Variants in NLGN1 observed in about 807,000 individuals in gnomAD.
The protein encoded by NLGN1 is neuroligin 1.
In NLGN1, 12 loss-of-function variants were observed where a neutral mutation model predicts 65.5. The observed-to-expected ratio is 0.18, with a 90% confidence interval of 0.12 to 0.30. The LOEUF is 0.30. Ranked by LOEUF, NLGN1 falls within the 10% of genes least tolerant of loss-of-function variation. The pLI is 1.00. For synonymous variants in NLGN1, 350 were observed against 359.5 expected, an observed-to-expected ratio of 0.97 and a Z score of 0.30; for missense variants, 750 against 1,007.1, an observed-to-expected ratio of 0.74 and a Z score of 3.46.
chr3:173,663,331 T>A (rs915174103), intron 3 of NLGN1, among the ~76,000 whole-genome samples: 4 of 152,006 alleles, frequency 2.6e-5, no homozygotes, highest in African/African-American at 4.8e-5. Context: ...GCTGATTTGC[T>A]AAAAAAATTC....
intron 4 of NLGN1, among the ~76,000 whole-genome samples, chr3:174,259,939 G>GT (rs200050622): frequency 0.18 from 26,521 of 149,988 alleles, 2,470 homozygotes; most frequent in South Asian, 0.23. Context: ...ACGGTGTTTG[G>GT]TTTTTTGTTC....
chr3:173,804,466 AAT>A (rs1331981237), intron 3 of NLGN1, among the ~76,000 whole-genome samples: 1 of 152,122 alleles, frequency 6.6e-6, no homozygotes, highest in Non-Finnish European at 1.5e-5. Context: ...ATTATAAATT[AAT>A]AAGCTGCATT....
At chr3:173,542,034 T>G (rs111654638) in intron 2 of NLGN1, among the ~76,000 whole-genome samples, 10 of 152,192 alleles carry the variant, frequency 6.6e-5, no homozygotes, top group African/African-American at 2.4e-4. Context: ...TCTCTCATAC[T>G]TAAACTGTGA....
chr3:173,907,155 T>A (rs115661074), intron 4 of NLGN1, among the ~76,000 whole-genome samples: 1,950 of 152,136 alleles, frequency 0.013, 31 homozygotes, highest in Non-Finnish European at 0.019. Context: ...CAGGAAAGAG[T>A]CAAAACTCAG....
chr3:173,398,275 G>C (rs1295017749), upstream of NLGN1, among the ~76,000 whole-genome samples: 1 of 152,138 alleles, frequency 6.6e-6, no homozygotes, highest in East Asian at 1.9e-4. Flanking sequence ...GTTTGACAGG[G>C]ATAAGAAAGT....
intron 4 of NLGN1, among the ~76,000 whole-genome samples, chr3:174,125,745 T>C (rs1159820805): frequency 6.6e-6 from 1 of 152,070 alleles, no homozygotes; most frequent in Admixed American, 6.6e-5. Context: ...AGATAAAACT[T>C]GGCACTGAGT....
chr3:173,480,221 C>A (rs1727039665), intron 2 of NLGN1, among the ~76,000 whole-genome samples: 1 of 151,594 alleles, frequency 6.6e-6, no homozygotes, highest in African/African-American at 2.4e-5. Context: ...GTGCTAGCCA[C>A]AAACAAGGTA....
intron 2 of NLGN1, among the ~76,000 whole-genome samples, chr3:173,569,449 A>G (rs1431692848): frequency 6.6e-6 from 1 of 151,956 alleles, no homozygotes; most frequent in Non-Finnish European, 1.5e-5. Context: ...AATCTTTACT[A>G]TATTATAGAC....
chr3:174,009,518 C>G (rs1250687821), intron 4 of NLGN1, among the ~76,000 whole-genome samples: 1 of 152,134 alleles, frequency 6.6e-6, no homozygotes, highest in Non-Finnish European at 1.5e-5. Flanking sequence ...CTTAGAGAGA[C>G]TACATCCCTG....
At chr3:173,963,113 A>C (rs1320807516) in intron 4 of NLGN1, among the ~76,000 whole-genome samples, 1 of 152,104 alleles carries the variant, frequency 6.6e-6, no homozygotes, top group Non-Finnish European at 1.5e-5. Context: ...TTTAAAATGC[A>C]TTATCTCATC....
chr3:173,893,564 T>C (rs1735759554), intron 4 of NLGN1, among the ~76,000 whole-genome samples: 1 of 152,186 alleles, frequency 6.6e-6, no homozygotes, highest in Admixed American at 6.5e-5. Flanking sequence ...CTTGACTTTT[T>C]CCTCAACCAT....
chr3:173,908,941 C>T (rs533467620), intron 4 of NLGN1, among the ~76,000 whole-genome samples: 3 of 152,162 alleles, frequency 2.0e-5, no homozygotes, highest in African/African-American at 7.2e-5. Context: ...AATGTAATAA[C>T]ATCAACTGGC....
chr3:173,968,447 A>T (rs1715361629), intron 4 of NLGN1, among the ~76,000 whole-genome samples: 1 of 152,096 alleles, frequency 6.6e-6, no homozygotes, highest in Non-Finnish European at 1.5e-5. Context: ...TCCCTCAACC[A>T]ATTATAGTCC....
intron 3 of NLGN1, among the ~76,000 whole-genome samples, chr3:173,807,460 C>CAA (rs564382525): frequency 1.2e-3 from 187 of 152,252 alleles, no homozygotes; most frequent in African/African-American, 4.3e-3. Context: ...AGTCAGTTTG[C>CAA]AACTTGTAAA....
At chr3:173,500,862 A>G (rs573832067) in intron 2 of NLGN1, among the ~76,000 whole-genome samples, 1 of 152,190 alleles carries the variant, frequency 6.6e-6, no homozygotes, top group South Asian at 2.1e-4. Flanking sequence ...GAGCCCATAT[A>G]ATGGTGTTAA....
At chr3:174,277,881 C>T (rs1342180942) in intron 5 of NLGN1, among the ~76,000 whole-genome samples, 1 of 151,518 alleles carries the variant, frequency 6.6e-6, no homozygotes, top group African/African-American at 2.4e-5. Flanking sequence ...ATAACTGAAG[C>T]ACAAAGCTGT....
At chr3:173,508,901 C>T (rs1732470081) in intron 2 of NLGN1, among the ~76,000 whole-genome samples, 1 of 152,108 alleles carries the variant, frequency 6.6e-6, no homozygotes, top group Non-Finnish European at 1.5e-5. Context: ...TCATTCTAAC[C>T]CCCTGACTCC....
chr3:173,864,175 C>G (rs1018923546), intron 4 of NLGN1, among the ~76,000 whole-genome samples: 1 of 152,126 alleles, frequency 6.6e-6, no homozygotes, highest in African/African-American at 2.4e-5. Flanking sequence ...TAATATGCCC[C>G]TTAGTTTCAC....
At chr3:173,829,553 CGTGTGTGTGTGTGTGTGTTT>C (rs1283258934) in intron 4 of NLGN1, among the ~76,000 whole-genome samples, 2 of 144,672 alleles carry the variant, frequency 1.4e-5, no homozygotes, top group East Asian at 2.1e-4. Flanking sequence ...GGAGTGTGTG[CGTGTGTGTGTGTGTGTGTTT>C]GTGTGTGTGT....
Sources: allele counts gnomAD v4.1 joint callset (sites outside exome capture counted in the v4.1 genomes callset), GRCh38; gene constraint gnomAD v4.1.1; transcripts MANE v1.5; gene names NCBI Gene and HGNC (gene_info 2026-07-23, HGNC 2026-07-21).